The following RNF223 variants were observed in gnomAD, a reference collection of about 807,000 sequenced individuals.
RNF223 encodes ring finger protein 223.
A neutral mutation model predicts 13.9 loss-of-function variants in RNF223; 10 were observed. The ratio of observed to expected loss-of-function variants is 0.72; its 90% CI spans 0.44 to 1.22. The LOEUF (loss-of-function observed/expected upper bound fraction) is 1.22, where lower values mean the gene tolerates loss of function less well. RNF223 is among the 50% of genes most tolerant of loss of function. The pLI is 0.00. For missense variants in RNF223, 379 were observed against 380.0 expected (o/e 1.00, Z 0.02); for synonymous variants, 168 against 173.3 (o/e 0.97, Z 0.24).
In RNF223 at chr1:1,072,217, G is replaced by T. The variant is rs1645646161; in HGVS notation, c.350C>A (p.Thr117Asn). The change falls in exon 2 of 2, where the codon ACC becomes AAC. Residue 117 changes from threonine (T) to asparagine (N), a missense_variant. Coordinates refer to ENST00000453464, the MANE Select transcript of RNF223 (RefSeq NM_001205252.2). Reference sequence around the variant, plus strand: ...CATCCGGGCCTGCAGCTGGCGGCTGGTGCACAGCGCGGGGGCTCCGGCGGG... The same window carrying T: ...CATCCGGGCCTGCAGCTGGCGGCTGTTGCACAGCGCGGGGGCTCCGGCGGG... The part of the protein sequence containing the change: ...VPPAGAPALC[T>N]SRQLQARMPA... 6.7e-7 allele frequency: 1 copy of T among 1,491,652 alleles called. No homozygotes were observed. Among genetic ancestry groups the T allele is most frequent in the Admixed American group, 2.2e-5 (1 of 45,172 alleles). The allele number at this position is 1,491,652 out of a possible 1,614,324, so 92.4% of individuals were successfully genotyped here.
chr1:1,072,652 C>T (rs961004312), intron 1 of RNF223, 77 bp from the exon 2 acceptor site: 23 of 1,202,634 alleles, frequency 1.9e-5, no homozygotes, highest in South Asian at 3.2e-5. Flanking sequence ...TCCCCTCTCT[C>T]GCCCCAGAGA....
chr1:1,071,904 G>C lies in RNF223; in HGVS notation c.663C>G (p.Thr221=). ...ALWPVQCALK[T]GNLRCLPLPP... is the part of the protein sequence containing the mutation. Reference sequence around the variant, plus strand: ...GCAGGGGCAGGCAGCGCAGGTTCCCGGTCTTGAGCGCGCACTGCACCGGCC... The same window carrying C: ...GCAGGGGCAGGCAGCGCAGGTTCCCCGTCTTGAGCGCGCACTGCACCGGCC... The change falls in exon 2 of 2, where the codon ACC becomes ACG. Residue 221 remains threonine, a synonymous_variant. Transcript: ENST00000453464. 1 of 1,534,102 alleles carries C rather than the reference G, an allele frequency of 6.5e-7. No homozygotes were observed. The highest frequency in any genetic ancestry group is 8.7e-7 in the Non-Finnish European group (1 of 1,146,020).
chr1:1,072,315 A>G lies in RNF223; in HGVS notation c.252T>C (p.Ala84=). The G allele has an allele frequency of 6.9e-7, 1 of 1,445,074 alleles. No homozygotes were observed. Among genetic ancestry groups the G allele is most frequent in the Non-Finnish European group, 9.0e-7 (1 of 1,106,038 alleles). 89.5% of individuals were successfully genotyped at this position (1,445,074 alleles called of 1,614,324 possible). ...CACCGGGGCGGCCCACAGGCTGAGC[A>G]GCCGCCAGCCGGGCCAGGCACTCCA... ...FCLECLARLA[A]AQPVGRPGGE... is the part of the protein sequence containing the mutation. Residue 84 remains alanine, a synonymous_variant, in exon 2 of 2, where the codon GCT becomes GCC. Coordinates refer to ENST00000453464, the MANE Select transcript of RNF223 (RefSeq NM_001205252.2).
intron 1 of RNF223, 45 bp from the exon 2 acceptor site, chr1:1,072,620 C>G: frequency 7.1e-7 from 1 of 1,412,162 alleles, no homozygotes; most frequent in Non-Finnish European, 9.3e-7. Flanking sequence ...CCGCCCCTTT[C>G]TGGTGGTGTT....
rs1004024875 is a variant in RNF223 at position 1,072,276 on chromosome 1, A to G, written c.291T>C (p.Pro97=). The G allele has an allele frequency of 2.8e-5, 40 of 1,438,276 alleles. No individual in the cohort carries two copies. The African/African-American group carries it at 5.4e-4, about 20-fold the overall frequency. 89.1% of individuals were successfully genotyped at this position (1,438,276 alleles called of 1,614,324 possible). A position where few individuals can be genotyped will look rare whatever the true frequency, so the allele number is the denominator to read the frequency against. The change falls in exon 2 of 2, where the codon CCT becomes CCC. Residue 97 remains proline, a synonymous_variant. Transcript: ENST00000453464. ...PVGRPGGEAV[P]CPFCRQPTAV... Reference sequence around the variant, plus strand: ...CCGTGGGCTGCCTGCAGAAGGGGCAAGGTACAGCCTCACCACCGGGGCGGC... The same window carrying G: ...CCGTGGGCTGCCTGCAGAAGGGGCAGGGTACAGCCTCACCACCGGGGCGGC...
chr1:1,072,680 GT>G (rs1322118328), intron 1 of RNF223, 105 bp from the exon 2 acceptor site: 3 of 981,060 alleles, frequency 3.1e-6, no homozygotes, highest in Non-Finnish European at 4.3e-6. Context: ...GAAGGACTCT[GT>G]TTCCTGCGCG....
Position 1,071,941 on chromosome 1 carries a change from C to G in RNF223, c.626G>C (p.Cys209Ser). 2 of 1,534,212 alleles carry G rather than the reference C, an allele frequency of 1.3e-6. No homozygotes were observed. The highest frequency in any genetic ancestry group is 1.7e-6 in the Non-Finnish European group (2 of 1,146,094). ...GCACTGCACCGGCCAGAGTGCCACA[C>G]AGAAGAGCATCAGCAGCAGGGCAGA... Reference protein sequence around the residue: ...LVSALLLMLFCVALWPVQCAL... With the variant: ...LVSALLLMLFSVALWPVQCAL... The change falls in exon 2 of 2, where the codon TGT (cysteine) becomes TCT (serine). Residue 209 changes from cysteine to serine, a missense_variant. Transcript: ENST00000453464.
rs1645665939 is a variant in RNF223 at position 1,074,251 on chromosome 1, G to A, written c.-245C>T. The A allele has an allele frequency of 6.6e-6, 1 of 152,308 alleles. No individual in the cohort carries two copies. The highest frequency in any genetic ancestry group is 2.4e-5 in the African/African-American group (1 of 41,446). 9.4% of individuals were successfully genotyped at this position (152,308 alleles called of 1,614,324 possible). A position where few individuals can be genotyped will look rare whatever the true frequency, so the allele number is the denominator to read the frequency against. ...CTGTCCAAGACAGGCGGGGACACAA[G>A]GAATGCGTGCGCCGTCACCCGCACA... On this transcript the variant is annotated 5_prime_UTR_variant, in exon 1 of 2. Transcript: ENST00000453464.
chr1:1,072,326 G>C lies in RNF223; in HGVS notation c.241C>G (p.Arg81Gly), dbSNP rs576663974. 30 of 1,446,454 alleles carry C rather than the reference G, an allele frequency of 2.1e-5. No individual in the cohort carries two copies. The highest frequency in any genetic ancestry group is 2.4e-5 in the Non-Finnish European group (27 of 1,107,124). 89.6% of individuals were successfully genotyped at this position (1,446,454 alleles called of 1,614,324 possible). Residue 81 changes from arginine (R) to glycine (G), a missense_variant, in exon 2 of 2, where the codon CGG (arginine) becomes GGG (glycine). Arg to Gly is a moderately radical substitution (Grantham distance 125). Coordinates refer to ENST00000453464, the MANE Select transcript of RNF223 (RefSeq NM_001205252.2). ...CCCACAGGCTGAGCAGCCGCCAGCC[G>C]GGCCAGGCACTCCAGGCAGAAGACG... ...THVFCLECLA[R>G]LAAAQPVGRP...
rs1325662120 is a variant in RNF223, at chr1:1,072,308, G to T, written c.259C>A (p.Pro87Thr). The change falls in exon 2 of 2, where the codon CCT (proline) becomes ACT (threonine). Residue 87 changes from proline to threonine, a missense_variant. Pro to Thr is a conservative substitution (Grantham distance 38). Transcript: ENST00000453464. ...ECLARLAAAQ[P>T]VGRPGGEAVP... ...GCCTCACCACCGGGGCGGCCCACAG[G>T]CTGAGCAGCCGCCAGCCGGGCCAGG... is the stretch of plus-strand genomic sequence containing the variant. 6.9e-7 allele frequency: 1 copy of T among 1,446,612 alleles called. No homozygotes were observed. The highest frequency in any genetic ancestry group is 2.7e-5 in the Admixed American group (1 of 36,712). 89.6% of individuals were successfully genotyped at this position (1,446,612 alleles called of 1,614,324 possible). A position where few individuals can be genotyped will look rare whatever the true frequency, so the allele number is the denominator to read the frequency against.
chr1:1,071,764 G>T lies in RNF223; in HGVS notation c.*53C>A. On this transcript the variant is annotated 3_prime_UTR_variant, in exon 2 of 2. Coordinates refer to ENST00000453464, the MANE Select transcript of RNF223 (RefSeq NM_001205252.2). Reference sequence around the variant, plus strand: ...TGTGCCCTTGGGCCCCCCAGTGGGGGACGCCCCATGGAGCTGGGCGAGGGC... The same window carrying T: ...TGTGCCCTTGGGCCCCCCAGTGGGGTACGCCCCATGGAGCTGGGCGAGGGC... 2.9e-6 allele frequency: 4 copies of T among 1,381,198 alleles called. No individual in the cohort carries two copies. The highest frequency in any genetic ancestry group is 3.8e-6 in the Non-Finnish European group (4 of 1,061,894). 85.6% of individuals were successfully genotyped at this position (1,381,198 alleles called of 1,614,324 possible).
At position 1,071,178 on chromosome 1, in the gene RNF223, G is replaced by A. The variant is rs1026415436; in HGVS notation, c.*639C>T. 6.6e-6 allele frequency: 1 copy of A among 152,296 alleles called. No individual in the cohort carries two copies. Among genetic ancestry groups the A allele is most frequent in the Non-Finnish European group, 1.5e-5 (1 of 68,110 alleles). 9.4% of individuals were successfully genotyped at this position (152,296 alleles called of 1,614,324 possible). Reference sequence around the variant, plus strand: ...AGCACGGCAAGGCCCCTTCCTTCTTGGCAAGGGGCTTCCCTGGCAGGCAGT... The same window carrying A: ...AGCACGGCAAGGCCCCTTCCTTCTTAGCAAGGGGCTTCCCTGGCAGGCAGT... On this transcript the variant is annotated 3_prime_UTR_variant, in exon 2 of 2. Coordinates refer to ENST00000453464, the MANE Select transcript of RNF223 (RefSeq NM_001205252.2).
rs989245684 is a variant in RNF223, at chr1:1,071,723, G to A, written c.*94C>T. The A allele has an allele frequency of 4.3e-6, 5 of 1,151,008 alleles. No homozygotes were observed. Among genetic ancestry groups the A allele is most frequent in the South Asian group, 1.8e-5 (1 of 56,124 alleles). The allele number at this position is 1,151,008 out of a possible 1,614,324, so 71.3% of individuals were successfully genotyped here. On this transcript the variant is annotated 3_prime_UTR_variant, in exon 2 of 2. Coordinates refer to ENST00000453464, the MANE Select transcript of RNF223 (RefSeq NM_001205252.2). ...GGCTCCTTTCGCGTCCTCGGGGACC[G>A]ACTTCCAGTGGCTGCTGTGCCCTTG... is the stretch of plus-strand genomic sequence containing the variant.
Position 1,072,218 on chromosome 1 carries a change from T to G in RNF223, c.349A>C (p.Thr117Pro), listed in dbSNP as rs531503606. The G allele has an allele frequency of 2.7e-6, 4 of 1,489,892 alleles. No individual in the cohort carries two copies. The South Asian group carries it at 5.2e-5, about 19-fold the overall frequency. 92.3% of individuals were successfully genotyped at this position (1,489,892 alleles called of 1,614,324 possible). ...VPPAGAPALCTSRQLQARMPA... is the reference protein window; with the variant it reads ...VPPAGAPALCPSRQLQARMPA... ...ATCCGGGCCTGCAGCTGGCGGCTGG[T>G]GCACAGCGCGGGGGCTCCGGCGGGC... The change falls in exon 2 of 2, where the codon ACC becomes CCC. Residue 117 changes from threonine (T) to proline (P), a missense_variant. Coordinates refer to ENST00000453464, the MANE Select transcript of RNF223 (RefSeq NM_001205252.2).
In RNF223 at chr1:1,071,872, C is replaced by CG. The variant is rs771408178; in HGVS notation, c.694dup (p.Arg232ProfsTer17). 42 of 1,098,268 alleles carry CG rather than the reference C, an allele frequency of 3.8e-5. No homozygotes were observed. The highest frequency in any genetic ancestry group is 2.0e-4 in the Admixed American group (8 of 40,630). The allele number at this position is 1,098,268 out of a possible 1,614,324, so 68.0% of individuals were successfully genotyped here. A position where few individuals can be genotyped will look rare whatever the true frequency, so the allele number is the denominator to read the frequency against. The stretch of plus-strand genomic sequence containing the variant: ...GGCGGCTGTGCTGGTGGCCGGGGGC[C>CG]GGGGGGGCAGGGGCAGGCAGCGCAG... On this transcript the variant is annotated frameshift_variant, in exon 2 of 2. Coordinates refer to ENST00000453464, the MANE Select transcript of RNF223 (RefSeq NM_001205252.2). LOFTEE classifies it high-confidence loss of function.
At position 1,072,653 on chromosome 1, in the gene RNF223, G is replaced by A. The variant is rs562710654; in HGVS notation, c.-9-78C>T. 179 of 1,192,926 alleles carry A rather than the reference G, an allele frequency of 1.5e-4. 1 individual carries two copies. The South Asian group carries it at 2.0e-3, about 13-fold the overall frequency. The allele number at this position is 1,192,926 out of a possible 1,614,324, so 73.9% of individuals were successfully genotyped here. On this transcript the variant is annotated intron_variant, in intron 1 of 1. Transcript: ENST00000453464. Reference sequence around the variant, plus strand: ...GTTTTATCTCTCCCTCCCCTCTCTCGCCCCAGAGATCCCAGGGAAGGACTC... The same window carrying A: ...GTTTTATCTCTCCCTCCCCTCTCTCACCCCAGAGATCCCAGGGAAGGACTC...
Position 1,071,841 on chromosome 1 carries a change from G to A in RNF223, c.726C>T (p.Pro242=), listed in dbSNP as rs368948809. The A allele has an allele frequency of 4.6e-6, 7 of 1,522,038 alleles. No individual in the cohort carries two copies. Among genetic ancestry groups the A allele is most frequent in the East Asian group, 5.0e-5 (2 of 40,398 alleles). 94.3% of individuals were successfully genotyped at this position (1,522,038 alleles called of 1,614,324 possible). ...RPPATSTAAS[P]LGPLTDN is the part of the protein sequence containing the mutation. ...CCTAATTATCAGTCAGAGGCCCGAGGGGGGAGGCGGCTGTGCTGGTGGCCG... is the reference window on the plus strand; with the variant it reads ...CCTAATTATCAGTCAGAGGCCCGAGAGGGGAGGCGGCTGTGCTGGTGGCCG... Residue 242 remains proline (P), a synonymous_variant, in exon 2 of 2, where the codon CCC becomes CCT. Transcript: ENST00000453464.
Position 1,071,811 on chromosome 1 carries a change from C to T in RNF223, c.*6G>A. 1 of 1,471,342 alleles carries T rather than the reference C, an allele frequency of 6.8e-7. No individual in the cohort carries two copies. The highest frequency in any genetic ancestry group is 2.2e-5 in the Admixed American group (1 of 46,050). 91.1% of individuals were successfully genotyped at this position (1,471,342 alleles called of 1,614,324 possible). A position where few individuals can be genotyped will look rare whatever the true frequency, so the allele number is the denominator to read the frequency against. ...GGGCGGCTGACCTGGGCAGAGGCTG[C>T]TGGCCCTAATTATCAGTCAGAGGCC... On this transcript the variant is annotated 3_prime_UTR_variant, in exon 2 of 2. Coordinates refer to ENST00000453464, the MANE Select transcript of RNF223 (RefSeq NM_001205252.2).
Position 1,071,808 on chromosome 1 carries a change from C to G in RNF223, c.*9G>C. ...CGAGGGCGGCTGACCTGGGCAGAGG[C>G]TGCTGGCCCTAATTATCAGTCAGAG... On this transcript the variant is annotated 3_prime_UTR_variant, in exon 2 of 2. Coordinates refer to ENST00000453464, the MANE Select transcript of RNF223 (RefSeq NM_001205252.2). 1 of 1,477,390 alleles carries G rather than the reference C, an allele frequency of 6.8e-7. No homozygotes were observed. The highest frequency in any genetic ancestry group is 8.9e-7 in the Non-Finnish European group (1 of 1,118,026). The allele number at this position is 1,477,390 out of a possible 1,614,324, so 91.5% of individuals were successfully genotyped here.
Sources: gnomAD v4.1 joint callset for allele counts on GRCh38, gnomAD v4.1.1 for gene constraint, MANE v1.5 for transcripts, NCBI Gene and HGNC (gene_info 2026-07-23, HGNC 2026-07-21) for gene names.